The following TENM3 variants were observed in gnomAD, a reference collection of about 807,000 sequenced individuals.
The protein encoded by TENM3 is teneurin-3.
Under a neutral mutation model 255.1 loss-of-function variants are expected in TENM3, and 63 were observed. The observed-to-expected ratio is 0.25, with a 90% CI of 0.20 to 0.30. The LOEUF is 0.30. Ranked by LOEUF, TENM3 falls within the 10% of genes least tolerant of loss-of-function variation. TENM3 has a pLI of 1.00. For missense variants in TENM3, 2,929 were observed against 3,461.1 expected, an observed-to-expected ratio of 0.85 and a Z score of 3.86; for synonymous variants, 1,306 against 1,322.3, an observed-to-expected ratio of 0.99 and a Z score of 0.27.
At chr4:181,776,970 T>G in the TENM3 span, among the ~76,000 whole-genome samples, 3,005 of 152,186 alleles carry the variant, frequency 0.02, 107 homozygotes, top group African/African-American at 0.069. Context: ...TTTTTTTGTC[T>G]ATGCTTTTGA....
At chr4:182,743,703 T>A (rs1761777618) in intron 19 of TENM3, among the ~76,000 whole-genome samples, 1 of 151,140 alleles carries the variant, frequency 6.6e-6, no homozygotes, top group African/African-American at 2.5e-5. Flanking sequence ...GATTCTTAAA[T>A]CTCTTTCGCT....
chr4:182,172,115 T>C (rs1752150501), intron 1 of TENM3, among the ~76,000 whole-genome samples: 1 of 152,188 alleles, frequency 6.6e-6, no homozygotes, highest in Non-Finnish European at 1.5e-5. Flanking sequence ...AATATTTAGC[T>C]CTCTGTGAAA....
rs917406166 is a variant in TENM3 at position 182,731,694 on chromosome 4, G to T, written c.2967+555G>T. On this transcript the variant is annotated intron_variant, in intron 16 of 27. Coordinates refer to ENST00000511685, the MANE Select transcript of TENM3 (RefSeq NM_001080477.4). Reference sequence around the variant, plus strand: ...AGAATGAATATATAGTGGGTGTTGGGGTGTGTGTGTGTGTGTGTGTGTGTG... The same window carrying T: ...AGAATGAATATATAGTGGGTGTTGGTGTGTGTGTGTGTGTGTGTGTGTGTG... 3.0e-4 allele frequency among the ~76,000 whole-genome samples: 38 copies of T among 124,762 alleles called. No individual in the cohort carries two copies. In the East Asian group the frequency reaches 5.4e-3, roughly 18 times the overall value. 81.8% of individuals were successfully genotyped at this position (124,762 alleles called of 152,430 possible).
the TENM3 span, chr4:182,079,567 A>AGCC: frequency 1.3e-5 from 2 of 152,152 alleles, no homozygotes; most frequent in Non-Finnish European, 2.9e-5. Context: ...TAAGAGCAAG[A>AGCC]GCCGTGATTT....
intron 1 of TENM3, among the ~76,000 whole-genome samples, chr4:182,320,831 G>A (rs1021742205): frequency 3.3e-5 from 5 of 152,130 alleles, no homozygotes; most frequent in Non-Finnish European, 7.4e-5. Flanking sequence ...TGGTGGATCC[G>A]ATTTGGCTGG....
At chr4:181,924,656 A>G in the TENM3 span, among the ~76,000 whole-genome samples, 1,387 of 152,272 alleles carry the variant, frequency 9.1e-3, 14 homozygotes, top group African/African-American at 0.032. Context: ...CTTTTTTTAC[A>G]TATTCATCTT....
intron 3 of TENM3, among the ~76,000 whole-genome samples, chr4:182,562,843 T>C (rs1743348725): frequency 2.0e-5 from 3 of 152,164 alleles, no homozygotes; most frequent in Admixed American, 6.5e-5. Context: ...AGTCAGGTAC[T>C]GTGGGGGTCA....
intron 3 of TENM3, among the ~76,000 whole-genome samples, chr4:182,496,599 C>G (rs577438569): frequency 1.1e-4 from 17 of 152,246 alleles, no homozygotes; most frequent in African/African-American, 3.9e-4. Flanking sequence ...AATTTTAGTG[C>G]CATGCATAGC....
At chr4:181,814,587 C>CGTGTGTGTGT in the TENM3 span, among the ~76,000 whole-genome samples, 514 of 149,486 alleles carry the variant, frequency 3.4e-3, 4 homozygotes, top group African/African-American at 0.012. Flanking sequence ...TTTTTAAATG[C>CGTGTGTGTGT]GTGTGTGTGT....
intron 18 of TENM3, among the ~76,000 whole-genome samples, chr4:182,742,119 A>G (rs570657974): frequency 1.4e-3 from 218 of 152,380 alleles, no homozygotes; most frequent in Non-Finnish European, 2.5e-3. Flanking sequence ...GAGAAGTGTC[A>G]TAAACTGTGC....
chr4:181,863,191 A>G, the TENM3 span, among the ~76,000 whole-genome samples: 1 of 152,198 alleles, frequency 6.6e-6, no homozygotes, highest in African/African-American at 2.4e-5. Context: ...TATTAATTTC[A>G]CCAAGGCAAA....
At chr4:181,592,581 G>T in the TENM3 span, among the ~76,000 whole-genome samples, 1 of 151,280 alleles carries the variant, frequency 6.6e-6, no homozygotes, top group Non-Finnish European at 1.5e-5. Context: ...GGTTTGGCTG[G>T]TATTTTCAGC....
At chr4:182,108,029 T>G in the TENM3 span, among the ~76,000 whole-genome samples, 1 of 152,208 alleles carries the variant, frequency 6.6e-6, no homozygotes, top group African/African-American at 2.4e-5. Context: ...CCTCAGATAC[T>G]GTACTAGTAA....
chr4:182,178,571 T>G (rs1056781327), intron 1 of TENM3, among the ~76,000 whole-genome samples: 15 of 152,240 alleles, frequency 9.9e-5, no homozygotes, highest in Admixed American at 8.5e-4. Context: ...GTGTAATTTC[T>G]CATAATATGT....
At chr4:182,069,158 A>C in the TENM3 span, among the ~76,000 whole-genome samples, 1 of 152,212 alleles carries the variant, frequency 6.6e-6, no homozygotes, top group Non-Finnish European at 1.5e-5. Context: ...GTAATAAGCA[A>C]AGTAAAAACT....
At chr4:181,880,299 A>G in the TENM3 span, among the ~76,000 whole-genome samples, 1 of 152,206 alleles carries the variant, frequency 6.6e-6, no homozygotes, top group Admixed American at 6.5e-5. Context: ...TATATGTTAG[A>G]TTAATTGATA....
chr4:182,304,172 G>A (rs1219488480), intron 1 of TENM3, among the ~76,000 whole-genome samples: 3 of 151,854 alleles, frequency 2.0e-5, no homozygotes, highest in Admixed American at 6.6e-5. Flanking sequence ...GTAGCAAGTA[G>A]GAGATGCCCT....
the TENM3 span, among the ~76,000 whole-genome samples, chr4:181,708,695 A>AT: frequency 6.6e-6 from 1 of 152,270 alleles, no homozygotes; most frequent in South Asian, 2.1e-4. Flanking sequence ...TTAAAAAAAA[A>AT]GTACTGATAC....
chr4:181,724,223 C>T, the TENM3 span, among the ~76,000 whole-genome samples: 1 of 152,294 alleles, frequency 6.6e-6, no homozygotes, highest in Non-Finnish European at 1.5e-5. Context: ...TTTTCTGATT[C>T]AGGGATGTTG....
Sources: gnomAD v4.1 joint callset for allele counts (sites outside exome capture counted in the v4.1 genomes callset) on GRCh38, gnomAD v4.1.1 for gene constraint, MANE v1.5 for transcripts, NCBI Gene and HGNC (gene_info 2026-07-23, HGNC 2026-07-21) for gene names.